Variants in PCDH9 observed in about 807,000 individuals in gnomAD.
The protein encoded by PCDH9 is protocadherin-9.
PCDH9 carries 24 observed loss-of-function variants against 70.6 expected under a neutral mutation model. The ratio of observed to expected loss-of-function variants is 0.34; its 90% CI spans 0.25 to 0.48. The LOEUF is 0.48. PCDH9 is among the 20% of genes least tolerant of loss of function. The probability of loss-of-function intolerance (pLI) is 0.99; values close to 1 mark genes in which losing one functional copy is unlikely to be tolerated. For synonymous variants in PCDH9, 562 were observed against 558.5 expected (o/e 1.01, Z -0.09); for missense variants, 1,281 against 1,503.6 (o/e 0.85, Z 2.45).
At chr13:66,793,045 CAG>C (rs537796732) in intron 3 of PCDH9, among the ~76,000 whole-genome samples, 30 of 151,992 alleles carry the variant, frequency 2.0e-4, no homozygotes, top group African/African-American at 7.0e-4. Flanking sequence ...CCAGAACAAA[CAG>C]AAATTAAAAT....
chr13:66,620,406 CTG>C (rs1187864388), intron 4 of PCDH9, among the ~76,000 whole-genome samples: 1 of 152,162 alleles, frequency 6.6e-6, no homozygotes, highest in Non-Finnish European at 1.5e-5. Flanking sequence ...TCTAAAGAAA[CTG>C]AGATTTTAAC....
At chr13:66,561,903 G>A (rs1042197638) in intron 4 of PCDH9, among the ~76,000 whole-genome samples, 2 of 152,122 alleles carry the variant, frequency 1.3e-5, no homozygotes, top group African/African-American at 2.4e-5. Flanking sequence ...TTGTTCTTTC[G>A]CTCTTGGCAA....
intron 3 of PCDH9, among the ~76,000 whole-genome samples, chr13:66,809,706 C>G (rs1247782009): frequency 6.6e-6 from 1 of 152,094 alleles, no homozygotes; most frequent in Non-Finnish European, 1.5e-5. Flanking sequence ...ATGTCTTGCT[C>G]TGTTTACAGA....
intron 2 of PCDH9, among the ~76,000 whole-genome samples, chr13:66,993,619 T>C (rs1409531725): frequency 3.9e-5 from 6 of 152,202 alleles, no homozygotes; most frequent in African/African-American, 1.4e-4. Flanking sequence ...CCTCATACCT[T>C]GGTTTAAAAT....
chr13:66,535,638 C>A (rs2138643326), intron 4 of PCDH9, among the ~76,000 whole-genome samples: 1 of 152,130 alleles, frequency 6.6e-6, no homozygotes, highest in African/African-American at 2.4e-5. Flanking sequence ...GAATGTAACA[C>A]AAGAAAATTT....
At chr13:67,063,447 C>CT (rs1491501804) in intron 2 of PCDH9, among the ~76,000 whole-genome samples, 2 of 151,894 alleles carry the variant, frequency 1.3e-5, no homozygotes, top group Non-Finnish European at 2.9e-5. Flanking sequence ...CTTACAATAA[C>CT]TCTTGCAGGT....
At chr13:66,955,341 A>ATT (rs1051414162) in intron 2 of PCDH9, among the ~76,000 whole-genome samples, 10 of 152,238 alleles carry the variant, frequency 6.6e-5, no homozygotes, top group African/African-American at 2.4e-4. Context: ...TAAAGGAAGA[A>ATT]TTATAACTAT....
intron 4 of PCDH9, among the ~76,000 whole-genome samples, chr13:66,463,770 A>G (rs1223691407): frequency 2.0e-5 from 3 of 151,782 alleles, no homozygotes; most frequent in African/African-American, 7.2e-5. Flanking sequence ...ACACAGAAAT[A>G]TCATATATAC....
chr13:66,856,254 A>G (rs1444855461), intron 3 of PCDH9, among the ~76,000 whole-genome samples: 2 of 152,048 alleles, frequency 1.3e-5, no homozygotes, highest in Admixed American at 1.3e-4. Flanking sequence ...TTACCATCTT[A>G]GAGACTGTAA....
rs531305516 is a variant in PCDH9, at chr13:66,732,191, C to T, written c.3139-100780G>A. The stretch of plus-strand genomic sequence containing the variant: ...TTGGAATACATGTCATATTTTGATA[C>T]CTGTGTAAGATGTGTCAGGATCAAA... On this transcript the variant is annotated intron_variant, in intron 3 of 4. Coordinates refer to ENST00000377865, the MANE Select transcript of PCDH9 (RefSeq NM_203487.3). Among the ~76,000 whole-genome samples the T allele has an allele frequency of 1.2e-4, 18 of 151,596 alleles. No individual in the cohort carries two copies. The East Asian group carries it at 2.1e-3, about 18-fold the overall frequency.
At chr13:67,084,771 A>G (rs943965476) in intron 2 of PCDH9, among the ~76,000 whole-genome samples, 13 of 151,334 alleles carry the variant, frequency 8.6e-5, no homozygotes, top group Non-Finnish European at 2.9e-5. Context: ...GATCGAGACC[A>G]TCCTGGCCAA....
At chr13:66,804,894 T>G (rs2080387827) in intron 3 of PCDH9, among the ~76,000 whole-genome samples, 1 of 152,104 alleles carries the variant, frequency 6.6e-6, no homozygotes, top group South Asian at 2.1e-4. Flanking sequence ...TATTCATAAT[T>G]ACGTGAAGAC....
At chr13:66,978,984 T>A (rs941153886) in intron 2 of PCDH9, among the ~76,000 whole-genome samples, 1 of 151,864 alleles carries the variant, frequency 6.6e-6, no homozygotes, top group African/African-American at 2.4e-5. Context: ...TTTGTATTTA[T>A]AAAGAACATA....
At position 67,048,307 on chromosome 13, in the gene PCDH9, A is replaced by G. The variant is rs368085173; in HGVS notation, c.3037-144702T>C. The stretch of plus-strand genomic sequence containing the variant: ...CATCCATAAATCCATCCCTCTCCCA[A>G]GTGGTTTGCAAACACTGCATTTTTC... On this transcript the variant is annotated intron_variant, in intron 2 of 4. Coordinates refer to ENST00000377865, the MANE Select transcript of PCDH9 (RefSeq NM_203487.3). Among the ~76,000 whole-genome samples, 4 of 152,236 alleles carry G rather than the reference A, an allele frequency of 2.6e-5. No individual in the cohort carries two copies. In the South Asian group the frequency reaches 8.3e-4, roughly 32 times the overall value.
chr13:66,608,761 A>G (rs906281100), intron 4 of PCDH9, among the ~76,000 whole-genome samples: 1 of 152,136 alleles, frequency 6.6e-6, no homozygotes, highest in African/African-American at 2.4e-5. Context: ...GGACGAAAAA[A>G]AATAATAATA....
intron 3 of PCDH9, among the ~76,000 whole-genome samples, chr13:66,663,022 T>C (rs1240292052): frequency 1.3e-5 from 2 of 152,226 alleles, no homozygotes; most frequent in Non-Finnish European, 2.9e-5. Context: ...TCAATTGTTT[T>C]ACTTCTTTTT....
chr13:67,168,186 C>T (rs2088175596), intron 2 of PCDH9, among the ~76,000 whole-genome samples: 1 of 152,116 alleles, frequency 6.6e-6, no homozygotes, highest in African/African-American at 2.4e-5. Flanking sequence ...GTGACAAAAC[C>T]TTTATTCTTG....
At chr13:66,700,927 T>TATATATA (rs1555323522) in intron 3 of PCDH9, among the ~76,000 whole-genome samples, 10 of 53,584 alleles carry the variant, frequency 1.9e-4, no homozygotes, top group African/African-American at 1.4e-3. Flanking sequence ...CATATAAATA[T>TATATATA]ATATATATAT....
chr13:66,740,306 C>A lies in PCDH9; in HGVS notation c.3139-108895G>T, dbSNP rs1264571290. Among the ~76,000 whole-genome samples, 59 of 108,348 alleles carry A rather than the reference C, an allele frequency of 5.4e-4. 1 individual carries two copies. The highest frequency in any genetic ancestry group is 1.9e-3 in the African/African-American group (58 of 30,192). 71.1% of individuals were successfully genotyped at this position (108,348 alleles called of 152,430 possible). On this transcript the variant is annotated intron_variant, in intron 3 of 4. Coordinates refer to ENST00000377865, the MANE Select transcript of PCDH9 (RefSeq NM_203487.3). Reference sequence around the variant, plus strand: ...TTTGAAACCAACGAGAACAAAGACACAACATACCAGAATCTCTGGGACGCA... The same window carrying A: ...TTTGAAACCAACGAGAACAAAGACAAAACATACCAGAATCTCTGGGACGCA...
Sources: gnomAD v4.1 joint callset for allele counts (sites outside exome capture counted in the v4.1 genomes callset) on GRCh38, gnomAD v4.1.1 for gene constraint, MANE v1.5 for transcripts, NCBI Gene and HGNC (gene_info 2026-07-23, HGNC 2026-07-21) for gene names.